RGPD1: variants seen among roughly 807,000 people sequenced by gnomAD.
RGPD1 encodes the protein RANBP2 like and GRIP domain containing 1.
Under a neutral mutation model 40.6 loss-of-function variants are expected in RGPD1, and 7 were observed. The ratio of observed to expected loss-of-function variants is 0.17; its 90% CI spans 0.10 to 0.32. RGPD1 has a LOEUF of 0.32. Among genes scored for constraint, RGPD1 ranks in the 10% least tolerant of loss-of-function variants. The probability of loss-of-function intolerance (pLI) is 1.00; values close to 1 mark genes in which losing one functional copy is unlikely to be tolerated. For synonymous variants in RGPD1, 24 were observed against 167.0 expected (o/e 0.14, Z 6.60); for missense variants, 50 against 472.5 (o/e 0.11, Z 8.29).
At position 86,942,378 on chromosome 2, in the gene RGPD1, G is replaced by A. The variant is rs528876882; in HGVS notation, c.72+70G>A. ...GGCGGCCTCGACCTGGCCGGGCGGC[G>A]GCCTCGACCTGGCCGGGCGGCGGCC... is the stretch of plus-strand genomic sequence containing the variant. On this transcript the variant is annotated intron_variant, in intron 1 of 22. Coordinates refer to ENST00000641458, the MANE Select transcript of RGPD1 (RefSeq NM_001382344.1). The A allele has an allele frequency of 1.3e-5, 18 of 1,415,940 alleles. 1 individual carries two copies. Among genetic ancestry groups the A allele is most frequent in the South Asian group, 3.9e-5 (3 of 76,932 alleles). The allele number at this position is 1,415,940 out of a possible 1,614,324, so 87.7% of individuals were successfully genotyped here.
At chr2:86,924,964 T>C (rs1231219845) in intron 1 of RGPD1, among the ~76,000 whole-genome samples, 22 of 151,026 alleles carry the variant, frequency 1.5e-4, no homozygotes, top group African/African-American at 4.8e-4. Context: ...ACCAAAAAAA[T>C]TTGAAAATTA....
At chr2:86,927,001 C>G (rs1293041396) in intron 1 of RGPD1, among the ~76,000 whole-genome samples, 1 of 152,154 alleles carries the variant, frequency 6.6e-6, no homozygotes, top group African/African-American at 2.4e-5. Context: ...GGTACTGTTC[C>G]TGATCTTCTA....
At chr2:86,928,760 T>C (rs1205476950) in intron 1 of RGPD1, among the ~76,000 whole-genome samples, 1 of 152,218 alleles carries the variant, frequency 6.6e-6, no homozygotes, top group Non-Finnish European at 1.5e-5. Context: ...AGGTATTTCT[T>C]AGCATTGATA....
intron 1 of RGPD1, among the ~76,000 whole-genome samples, chr2:86,915,061 T>G (rs1285417101): frequency 6.7e-6 from 1 of 149,724 alleles, no homozygotes; most frequent in Non-Finnish European, 1.5e-5. Flanking sequence ...TTTGTGAGAC[T>G]GAGGCAGGTG....
At chr2:86,939,650 G>A (rs1413064228), upstream of RGPD1, among the ~76,000 whole-genome samples, 16 of 133,202 alleles carry the variant, frequency 1.2e-4, no homozygotes, top group African/African-American at 4.7e-4. Flanking sequence ...AACATATTCA[G>A]CATAAATGAA....
At chr2:86,942,683 C>T (rs1164549852) in intron 1 of RGPD1, among the ~76,000 whole-genome samples, 1 of 140,686 alleles carries the variant, frequency 7.1e-6, no homozygotes, top group Non-Finnish European at 1.5e-5. Context: ...CTCGACCTGG[C>T]CGGGCGGCGG....
At chr2:86,925,131 A>G (rs1678384672) in intron 1 of RGPD1, among the ~76,000 whole-genome samples, 1 of 152,202 alleles carries the variant, frequency 6.6e-6, no homozygotes, top group Non-Finnish European at 1.5e-5. Flanking sequence ...ATTTTAAAAA[A>G]TTTGTAAGCT....
chr2:86,931,513 C>G (rs1270429537), intron 1 of RGPD1, among the ~76,000 whole-genome samples: 1 of 151,710 alleles, frequency 6.6e-6, no homozygotes, highest in Non-Finnish European at 1.5e-5. Flanking sequence ...AGACAGTAGT[C>G]ATTAAGTGAC....
At chr2:86,978,243 G>A (rs1263980554) in intron 17 of RGPD1, among the ~76,000 whole-genome samples, 1 of 21,930 alleles carries the variant, frequency 4.6e-5, no homozygotes, top group East Asian at 7.5e-4. Context: ...TGTATTTTTT[G>A]TAGAGATGGG....
intron 1 of RGPD1, among the ~76,000 whole-genome samples, chr2:86,924,931 T>C (rs1029588384): frequency 1.4e-5 from 2 of 145,816 alleles, no homozygotes; most frequent in Admixed American, 6.8e-5. Flanking sequence ...GGGCAACATA[T>C]TATATAGTAA....
intron 1 of RGPD1, among the ~76,000 whole-genome samples, chr2:86,925,148 GT>G (rs1678386843): frequency 1.3e-5 from 2 of 152,170 alleles, no homozygotes; most frequent in South Asian, 4.1e-4. Flanking sequence ...AGCTGGTGAA[GT>G]TCTTACATGT....
chr2:86,928,406 C>A (rs1393746885), intron 1 of RGPD1, among the ~76,000 whole-genome samples: 1 of 152,002 alleles, frequency 6.6e-6, no homozygotes, highest in Non-Finnish European at 1.5e-5. Context: ...ATTGTGTGGA[C>A]CTTGGATTTC....
upstream of RGPD1, among the ~76,000 whole-genome samples, chr2:86,939,213 C>T (rs1196429400): frequency 1.1e-5 from 1 of 90,650 alleles, no homozygotes; most frequent in East Asian, 3.0e-4. Context: ...ATGTGAAAAT[C>T]CGTAATAAAT....
Position 86,927,119 on chromosome 2 carries a change from A to T in RGPD1, c.72+13198A>T, listed in dbSNP as rs185128008. Among the ~76,000 whole-genome samples the T allele has an allele frequency of 6.1e-3, 923 of 152,182 alleles. 2 individuals are homozygous for T. The highest frequency in any genetic ancestry group is 0.011 in the Non-Finnish European group (737 of 68,004). On this transcript the variant is annotated intron_variant, in intron 1 of 22. Coordinates refer to the RGPD1 transcript ENST00000398193. ...CTTCCCACTTAAATCAGTTTTAATT[A>T]AAAAAATTGCAGATGCCTTTTCTCA...
chr2:86,913,729 C>G (rs973087253), upstream of RGPD1: 5 of 1,349,064 alleles, frequency 3.7e-6, no homozygotes, highest in Admixed American at 1.2e-4. Context: ...TACACAAGTG[C>G]GTCACAGTGG....
At chr2:86,941,701 G>A (rs1341425836), upstream of RGPD1, among the ~76,000 whole-genome samples, 4 of 149,092 alleles carry the variant, frequency 2.7e-5, no homozygotes, top group Non-Finnish European at 5.9e-5. Flanking sequence ...GACTGACTGC[G>A]GGATTTGAGA....
chr2:86,930,536 C>T lies in RGPD1; in HGVS notation c.72+16615C>T, dbSNP rs1221263279. 14 of 1,570,860 alleles carry T rather than the reference C, an allele frequency of 8.9e-6. No individual in the cohort carries two copies. In the African/African-American group the frequency reaches 1.8e-4, roughly 20 times the overall value. Reference sequence around the variant, plus strand: ...GTTTAGCTCGTCGGTGGCGGAAGGCCCAACAGCAGCTAAAGAGGATGAGGA... The same window carrying T: ...GTTTAGCTCGTCGGTGGCGGAAGGCTCAACAGCAGCTAAAGAGGATGAGGA... On this transcript the variant is annotated intron_variant, in intron 1 of 22. Transcript: ENST00000398193.
upstream of RGPD1, among the ~76,000 whole-genome samples, chr2:86,942,039 C>G (rs543808503): frequency 6.6e-6 from 1 of 151,660 alleles, no homozygotes; most frequent in South Asian, 2.1e-4. Context: ...GCACAGGGTG[C>G]TGCCAAGAGC....
At chr2:86,938,860 C>T (rs1679525823), upstream of RGPD1, among the ~76,000 whole-genome samples, 1 of 126,718 alleles carries the variant, frequency 7.9e-6, no homozygotes, top group Non-Finnish European at 1.7e-5. Flanking sequence ...GCCTGGGCGG[C>T]AGTGTGAGAC....
Sources: gnomAD v4.1 joint callset for allele counts (sites outside exome capture counted in the v4.1 genomes callset) on GRCh38, gnomAD v4.1.1 for gene constraint, MANE v1.5 for transcripts, NCBI Gene and HGNC (gene_info 2026-07-23, HGNC 2026-07-21) for gene names.